NLGN1: variants seen among roughly 807,000 people sequenced by gnomAD.
The protein encoded by NLGN1 is neuroligin 1.
NLGN1 carries 12 observed loss-of-function variants against 65.5 expected under a neutral mutation model. The observed-to-expected ratio is 0.18, with a 90% CI of 0.12 to 0.30. NLGN1 has a LOEUF of 0.30. Ranked by LOEUF, NLGN1 falls within the 10% of genes least tolerant of loss-of-function variation. The probability of loss-of-function intolerance (pLI) is 1.00; values close to 1 mark genes in which losing one functional copy is unlikely to be tolerated. For missense variants in NLGN1, 750 were observed against 1,007.1 expected (o/e 0.74, Z 3.46); for synonymous variants, 350 against 359.5 (o/e 0.97, Z 0.30).
intron 4 of NLGN1, among the ~76,000 whole-genome samples, chr3:174,042,671 A>G (rs1358412184): frequency 1.3e-5 from 2 of 152,220 alleles, no homozygotes; most frequent in East Asian, 3.8e-4. Flanking sequence ...TTGTCTTAGC[A>G]TAGACTGTTT....
At chr3:173,660,118 GAC>G (rs1275051223) in intron 3 of NLGN1, among the ~76,000 whole-genome samples, 1 of 151,712 alleles carries the variant, frequency 6.6e-6, no homozygotes, top group Non-Finnish European at 1.5e-5. Context: ...TATTCGTAGA[GAC>G]AGCGGAGGCA....
Position 173,600,592 on chromosome 3 carries a change from C to CTTTTTTTTTTTTTTTT in NLGN1, c.-320-3678_-320-3677insTTTTTTTTTTTTTTTT, listed in dbSNP as rs150984290. On this transcript the variant is annotated intron_variant, in intron 2 of 6. Transcript: ENST00000457714. ...AAGCAAGGTAGAAATAAAAACATAT[C>CTTTTTTTTTTTTTTTT]TTTTTTTTTAGAAAAAGATATGTAA... Among the ~76,000 whole-genome samples, 50 of 103,512 alleles carry CTTTTTTTTTTTTTTTT rather than the reference C, an allele frequency of 4.8e-4. 9 individuals are homozygous for CTTTTTTTTTTTTTTTT. The highest frequency in any genetic ancestry group is 7.6e-4 in the South Asian group (2 of 2,642). The allele number at this position is 103,512 out of a possible 152,430, so 67.9% of individuals were successfully genotyped here.
intron 4 of NLGN1, among the ~76,000 whole-genome samples, chr3:173,948,356 G>A (rs1747573997): frequency 6.6e-6 from 1 of 152,164 alleles, no homozygotes; most frequent in Non-Finnish European, 1.5e-5. Flanking sequence ...TATCATTACG[G>A]CAGAGACAAT....
In NLGN1 at chr3:173,835,580, T is replaced by TACACACACACACACACAC. The variant is rs57183549; in HGVS notation, c.646+27761_646+27778dup. On this transcript the variant is annotated intron_variant, in intron 4 of 6. Transcript: ENST00000457714. Reference sequence around the variant, plus strand: ...ATGGATAATAATATGTTCAAACACATACACACACACACACACACACACACA... The same window carrying TACACACACACACACACAC: ...ATGGATAATAATATGTTCAAACACATACACACACACACACACACACACACACACACACACACACACACA... Among the ~76,000 whole-genome samples the TACACACACACACACACAC allele has an allele frequency of 9.7e-4, 142 of 146,492 alleles. 1 individual carries two copies. The highest frequency in any genetic ancestry group is 3.5e-3 in the Middle Eastern group (1 of 284).
At chr3:173,894,633 CT>C (rs3979634) in intron 4 of NLGN1, among the ~76,000 whole-genome samples, 24,828 of 133,896 alleles carry the variant, frequency 0.19, 2,425 homozygotes, top group East Asian at 0.34. Flanking sequence ...TTTTCTTTTT[CT>C]TTTTTTTTTT....
intron 1 of NLGN1, among the ~76,000 whole-genome samples, chr3:173,417,730 C>G (rs1394939708): frequency 6.6e-6 from 1 of 151,806 alleles, no homozygotes; most frequent in Non-Finnish European, 1.5e-5. Flanking sequence ...ATAAATAGTT[C>G]TTGTACATGT....
At chr3:173,509,069 T>G (rs536459945) in intron 2 of NLGN1, among the ~76,000 whole-genome samples, 2 of 152,280 alleles carry the variant, frequency 1.3e-5, no homozygotes, top group East Asian at 1.9e-4. Context: ...ACATACAAAT[T>G]TCTTTCATAC....
intron 4 of NLGN1, among the ~76,000 whole-genome samples, chr3:174,226,863 T>C (rs1336253569): frequency 6.6e-6 from 1 of 152,208 alleles, no homozygotes; most frequent in Non-Finnish European, 1.5e-5. Context: ...GAATTATTCA[T>C]TTCTGGGGTT....
rs114597449 is a variant in NLGN1 at position 174,033,889 on chromosome 3, A to G, written c.646+226057A>G. 6.6e-3 allele frequency among the ~76,000 whole-genome samples: 1,007 copies of G among 152,318 alleles called. 14 individuals are homozygous for G. The highest frequency in any genetic ancestry group is 0.023 in the African/African-American group (945 of 41,586). ...AGAGAATGGAGCAGAAGATATCCTG[A>G]AAGTAATAATGATCAGGAACTTTAC... is the stretch of plus-strand genomic sequence containing the variant. On this transcript the variant is annotated intron_variant, in intron 4 of 6. Coordinates refer to ENST00000457714, the Ensembl canonical transcript of NLGN1.
intron 4 of NLGN1, among the ~76,000 whole-genome samples, chr3:174,142,732 A>G (rs947220360): frequency 2.6e-5 from 4 of 152,246 alleles, no homozygotes; most frequent in African/African-American, 9.6e-5. Context: ...AATAGGAATC[A>G]GGATGAAGAA....
chr3:173,900,909 T>C lies in NLGN1; in HGVS notation c.646+93077T>C, dbSNP rs541476440. Reference sequence around the variant, plus strand: ...TGGCGGGAAAGAAAACTAGCAATTATGAAATGACGTTTTCAAGGTCACAAA... The same window carrying C: ...TGGCGGGAAAGAAAACTAGCAATTACGAAATGACGTTTTCAAGGTCACAAA... On this transcript the variant is annotated intron_variant, in intron 4 of 6. Transcript: ENST00000457714. Among the ~76,000 whole-genome samples, 13 of 152,082 alleles carry C rather than the reference T, an allele frequency of 8.5e-5. No individual in the cohort carries two copies. In the South Asian group the frequency reaches 2.7e-3, roughly 32 times the overall value.
intron 4 of NLGN1, among the ~76,000 whole-genome samples, chr3:174,167,096 T>C (rs1292654941): frequency 2.6e-5 from 4 of 152,094 alleles, no homozygotes; most frequent in Non-Finnish European, 5.9e-5. Flanking sequence ...AAATGGGTCT[T>C]TTGAAGACAG....
chr3:173,876,275 C>T (rs930489069), intron 4 of NLGN1, among the ~76,000 whole-genome samples: 4 of 151,992 alleles, frequency 2.6e-5, no homozygotes, highest in African/African-American at 9.7e-5. Flanking sequence ...TTACAAAATG[C>T]GTTTTGCCTT....
chr3:174,080,922 G>GGTTGTGTGTGTGTGTGTGTGTGTGT (rs1431869842), intron 4 of NLGN1, among the ~76,000 whole-genome samples: 2 of 141,204 alleles, frequency 1.4e-5, no homozygotes, highest in African/African-American at 5.4e-5. Context: ...TGACATTCCT[G>GGTTGTGTGTGTGTGTGTGTGTGTGT]GTGTGTGTGT....
chr3:173,405,146 T>C lies in NLGN1; in HGVS notation c.-390+6659T>C, dbSNP rs1464435404. Among the ~76,000 whole-genome samples the C allele has an allele frequency of 7.2e-5, 11 of 152,264 alleles. No individual in the cohort carries two copies. The East Asian group carries it at 1.9e-3, about 27-fold the overall frequency. On this transcript the variant is annotated intron_variant, in intron 1 of 6. Coordinates refer to ENST00000457714, the Ensembl canonical transcript of NLGN1. ...GTTTTTCCACAGAAAATAGTATGCA[T>C]GTGTTGATGATGCACTGTTTTTGAA... is the stretch of plus-strand genomic sequence containing the variant.
At chr3:174,196,972 C>T (rs1315132153) in intron 4 of NLGN1, among the ~76,000 whole-genome samples, 1 of 152,132 alleles carries the variant, frequency 6.6e-6, no homozygotes, top group Non-Finnish European at 1.5e-5. Flanking sequence ...TGGTCAAACT[C>T]CAGAGTCTGT....
intron 2 of NLGN1, among the ~76,000 whole-genome samples, chr3:173,484,869 T>C (rs1372240917): frequency 2.0e-5 from 3 of 152,050 alleles, no homozygotes; most frequent in African/African-American, 7.2e-5. Flanking sequence ...GTGGACCAAA[T>C]GGCTTGTCTT....
intron 3 of NLGN1, among the ~76,000 whole-genome samples, chr3:173,732,432 G>C (rs893374273): frequency 4.6e-5 from 7 of 152,118 alleles, no homozygotes; most frequent in African/African-American, 1.7e-4. Flanking sequence ...GCTGCTACTA[G>C]TTAGGCTTTG....
chr3:174,108,198 G>C (rs75206879), intron 4 of NLGN1, among the ~76,000 whole-genome samples: 189 of 151,908 alleles, frequency 1.2e-3, no homozygotes, highest in African/African-American at 4.1e-3. Flanking sequence ...TTAGTAGTAT[G>C]TCTAAGAACT....
Sources: gnomAD v4.1 joint callset for allele counts (sites outside exome capture counted in the v4.1 genomes callset) on GRCh38, gnomAD v4.1.1 for gene constraint, MANE v1.5 for transcripts, NCBI Gene and HGNC (gene_info 2026-07-23, HGNC 2026-07-21) for gene names.